TGM7: variants seen among roughly 807,000 people sequenced by gnomAD.
TGM7 encodes the protein transglutaminase 7.
A neutral mutation model predicts 79.5 loss-of-function variants in TGM7; 74 were observed. That is an observed-to-expected ratio of 0.93 (90% CI 0.77 to 1.13). TGM7 has a LOEUF of 1.13. Among genes scored for constraint, TGM7 ranks in the 50% most tolerant of loss-of-function variants. The pLI is 0.00. For synonymous variants in TGM7, 354 were observed against 362.5 expected (o/e 0.98, Z 0.27); for missense variants, 912 against 905.9 (o/e 1.01, Z -0.09).
chr15:43,278,948 C>T (rs1486208350), intron 11 of TGM7, among the ~76,000 whole-genome samples, 169 bp downstream of exon 11: 1 of 152,254 alleles, frequency 6.6e-6, no homozygotes, highest in Non-Finnish European at 1.5e-5. Flanking sequence ...GAGAAGCCTT[C>T]ATGCCCCTCC....
intron 4 of TGM7, among the ~76,000 whole-genome samples, chr15:43,289,747 A>T (rs1404322909): frequency 6.6e-6 from 1 of 152,092 alleles, no homozygotes; most frequent in Non-Finnish European, 1.5e-5. Flanking sequence ...CTTTTTAATG[A>T]TCGCCATTCT....
Position 43,292,023 on chromosome 15 carries a change from C to T in TGM7, c.514G>A (p.Gly172Ser), listed in dbSNP as rs368673003. 58 of 1,613,892 alleles carry T rather than the reference C, an allele frequency of 3.6e-5. No homozygotes were observed. Among genetic ancestry groups the T allele is most frequent in the Non-Finnish European group, 4.4e-5 (52 of 1,180,014 alleles). ...IMRDYGFVYK[G>S]HERFITSWPW... is the part of the protein sequence containing the mutation. ...CAGGAGGTGATGAATCTTTCATGAC[C>T]CTTGTAAACAAAGCCATAATCTCGC... The change falls in exon 4 of 13, where the codon GGT becomes AGT. Residue 172 changes from glycine (G) to serine (S), a missense_variant. Transcript: ENST00000452443.
rs1161046776 is a variant in TGM7, at chr15:43,292,950, G to T, written c.198C>A (p.Pro66=). 6.2e-7 allele frequency: 1 copy of T among 1,613,112 alleles called. No homozygotes were observed. ...GGGTCCCCAGCAGCTCTGACGGCTTGGGTCCTGTGTAGGAGAGAATGACCC... is the reference window on the plus strand; with the variant it reads ...GGGTCCCCAGCAGCTCTGACGGCTTTGGTCCTGTGTAGGAGAGAATGACCC... The part of the protein sequence containing the change: ...DHITFVAETG[P]KPSELLGTRA... The change falls in exon 3 of 13, where the codon CCC becomes CCA. Residue 66 remains proline (P), a synonymous_variant. Coordinates refer to ENST00000452443, the MANE Select transcript of TGM7 (RefSeq NM_052955.3).
intron 1 of TGM7, among the ~76,000 whole-genome samples, chr15:43,298,774 T>G (rs913069863): frequency 1.3e-5 from 2 of 151,930 alleles, no homozygotes; most frequent in South Asian, 2.1e-4. Flanking sequence ...TAAAATAAAA[T>G]AAAAATAAAA....
At chr15:43,277,224 C>T (rs2042882735) in intron 11 of TGM7, among the ~76,000 whole-genome samples, 2 of 152,210 alleles carry the variant, frequency 1.3e-5, no homozygotes, top group South Asian at 4.1e-4. Context: ...CAGCAGTTGC[C>T]ACCAAGCTGA....
chr15:43,284,977 G>A, intron 6 of TGM7, 25 bp from the exon 7 acceptor site: 2 of 1,612,120 alleles, frequency 1.2e-6, no homozygotes, highest in Non-Finnish European at 1.7e-6. Context: ...ATAGAGAATC[G>A]CTGAGTTCAT....
intron 11 of TGM7, among the ~76,000 whole-genome samples, chr15:43,278,251 G>C (rs1391192763): frequency 3.3e-5 from 5 of 152,208 alleles, no homozygotes; most frequent in Non-Finnish European, 7.3e-5. Flanking sequence ...TGAGTGGGAG[G>C]GGCAGGTGAG....
At chr15:43,280,171 G>T (rs551728185) in intron 9 of TGM7, among the ~76,000 whole-genome samples, 1 of 152,096 alleles carries the variant, frequency 6.6e-6, no homozygotes, top group Non-Finnish European at 1.5e-5. Flanking sequence ...TCCTTATAAG[G>T]GATCCCAAAA....
intron 11 of TGM7, among the ~76,000 whole-genome samples, chr15:43,278,673 C>T (rs1471608498): frequency 1.3e-5 from 2 of 152,174 alleles, no homozygotes; most frequent in East Asian, 1.9e-4. Context: ...AGACTGGTCT[C>T]GAACTCCTGG....
chr15:43,279,419 C>T (rs1006027090), intron 10 of TGM7, 142 bp from the exon 11 acceptor site: 34 of 1,143,990 alleles, frequency 3.0e-5, no homozygotes, highest in East Asian at 2.5e-5. Flanking sequence ...CGTCCCACCA[C>T]GCACACACTG....
chr15:43,293,532 C>T lies in TGM7; in HGVS notation c.110G>A (p.Arg37His), dbSNP rs775278854. The change falls in exon 2 of 13, where the codon CGC becomes CAC. Residue 37 changes from arginine (R) to histidine (H), a missense_variant. Physicochemically the swap from Arg to His is conservative, Grantham distance 29. Transcript: ENST00000452443. The stretch of plus-strand genomic sequence containing the variant: ...CAGCCGGAGGTAGAAGGGCTGGCCG[C>T]GGCGCACAGTGAGCCGCTTGACGCC... ...EMGVKRLTVR[R>H]GQPFYLRLSF... 4.3e-6 allele frequency: 7 copies of T among 1,611,642 alleles called. No individual in the cohort carries two copies. The highest frequency in any genetic ancestry group is 4.2e-6 in the Non-Finnish European group (5 of 1,179,642).
chr15:43,278,746 G>T (rs1039684539), intron 11 of TGM7, among the ~76,000 whole-genome samples: 12 of 152,216 alleles, frequency 7.9e-5, no homozygotes, highest in Non-Finnish European at 1.8e-4. Flanking sequence ...GAGCCACCAT[G>T]CTTAGCCAGT....
chr15:43,279,259 A>G lies in TGM7; in HGVS notation c.1697T>C (p.Leu566Pro), dbSNP rs1236904505. The G allele has an allele frequency of 6.2e-7, 1 of 1,614,146 alleles. No homozygotes were observed. The highest frequency in any genetic ancestry group is 2.2e-5 in the East Asian group (1 of 44,890). ...GTTTCTGTAATTGCTGTAGGGCAGG[A>G]GGAGCGGCCACTGTGTCTCTAAGCA... ...DFGKETQWPLLLPYSNYRNKL... is the reference protein window; with the variant it reads ...DFGKETQWPLPLPYSNYRNKL... Residue 566 changes from leucine to proline, a missense_variant, in exon 11 of 13, where the codon CTC (leucine) becomes CCC (proline). Transcript: ENST00000452443.
chr15:43,277,335 A>G (rs762661021), intron 11 of TGM7, among the ~76,000 whole-genome samples: 2 of 152,200 alleles, frequency 1.3e-5, no homozygotes, highest in Non-Finnish European at 2.9e-5. Context: ...TGTTAAAAGG[A>G]TCCTGAGGAC....
At chr15:43,291,443 A>G (rs1309998097) in intron 4 of TGM7, among the ~76,000 whole-genome samples, 4 of 152,258 alleles carry the variant, frequency 2.6e-5, no homozygotes, top group Non-Finnish European at 5.9e-5. Context: ...GCAGCCACAG[A>G]CTACATCTAA....
chr15:43,300,126 C>T (rs1215812245), intron 1 of TGM7, among the ~76,000 whole-genome samples: 1 of 152,222 alleles, frequency 6.6e-6, no homozygotes, highest in Admixed American at 6.5e-5. Flanking sequence ...ATTCTTCAAA[C>T]AAAACCCAGC....
chr15:43,290,239 G>A (rs1053374449), intron 4 of TGM7, among the ~76,000 whole-genome samples: 17 of 152,120 alleles, frequency 1.1e-4, no homozygotes, highest in Non-Finnish European at 1.8e-4. Context: ...ATTAATTTTT[G>A]TATAAGGTGT....
At chr15:43,293,901 G>C (rs1401972621) in intron 1 of TGM7, among the ~76,000 whole-genome samples, 2 of 76,880 alleles carry the variant, frequency 2.6e-5, no homozygotes, top group South Asian at 1.3e-3. Flanking sequence ...TGGGGTGTGC[G>C]GGGGGCTGTG....
rs1410462709 is a variant in TGM7 at position 43,292,764 on chromosome 15, G to A, written c.384C>T (p.His128=). ...LKIEISQGQG[H]SVTYPLGTFI... ...AAGTTCCCAGCGGGTAAGTCACACT[G>A]TGACCTTGGCCCTGAGAGATCTCTA... The change falls in exon 3 of 13, where the codon CAC becomes CAT. Residue 128 remains histidine, a synonymous_variant. Coordinates refer to ENST00000452443, the MANE Select transcript of TGM7 (RefSeq NM_052955.3). 1.9e-6 allele frequency: 3 copies of A among 1,614,194 alleles called. No homozygotes were observed. The highest frequency in any genetic ancestry group is 1.7e-6 in the Non-Finnish European group (2 of 1,180,038).
Sources: allele counts gnomAD v4.1 joint callset (sites outside exome capture counted in the v4.1 genomes callset), GRCh38; gene constraint gnomAD v4.1.1; transcripts MANE v1.5; gene names NCBI Gene and HGNC (gene_info 2026-07-23, HGNC 2026-07-21).